KHDRBS2: variants seen among roughly 807,000 people sequenced by gnomAD.
The protein encoded by KHDRBS2 is KH RNA binding domain containing, signal transduction associated 2, also known as KH domain-containing, RNA-binding, signal transduction-associated protein 2.
KHDRBS2 carries 26 observed loss-of-function variants against 44.3 expected under a neutral mutation model. The ratio of observed to expected loss-of-function variants is 0.59; its 90% CI spans 0.43 to 0.81. KHDRBS2 has a LOEUF of 0.81. Among genes scored for constraint, KHDRBS2 ranks in the 40% least tolerant of loss-of-function variants. The pLI, the probability that KHDRBS2 is intolerant of heterozygous loss-of-function variation, is 0.00. For missense variants in KHDRBS2, 476 were observed against 433.1 expected (o/e 1.10, Z -0.88); for synonymous variants, 194 against 151.1 (o/e 1.28, Z -2.08).
At chr6:61,717,333 A>T (rs907184802) in intron 7 of KHDRBS2, among the ~76,000 whole-genome samples, 1 of 151,982 alleles carries the variant, frequency 6.6e-6, no homozygotes, top group African/African-American at 2.4e-5. Flanking sequence ...AAATACGTCA[A>T]ATAAGAACTA....
intron 6 of KHDRBS2, among the ~76,000 whole-genome samples, chr6:61,753,392 C>T (rs1415371290): frequency 6.6e-6 from 1 of 152,052 alleles, no homozygotes; most frequent in East Asian, 1.9e-4. Context: ...TGGTGGTACC[C>T]CCACCCCCCC....
chr6:61,725,421 T>C (rs1009857202), intron 7 of KHDRBS2, among the ~76,000 whole-genome samples: 1 of 151,812 alleles, frequency 6.6e-6, no homozygotes, highest in African/African-American at 2.4e-5. Context: ...CCAAAGCTAG[T>C]AGGAGACAGG....
intron 3 of KHDRBS2, among the ~76,000 whole-genome samples, chr6:61,996,709 T>C (rs1043837286): frequency 6.6e-6 from 1 of 152,136 alleles, no homozygotes; most frequent in Non-Finnish European, 1.5e-5. Context: ...TTGAGTCACA[T>C]ATAACTTTAA....
intron 8 of KHDRBS2, among the ~76,000 whole-genome samples, chr6:61,683,041 A>G (rs1766467589): frequency 1.3e-5 from 2 of 151,852 alleles, no homozygotes; most frequent in South Asian, 4.1e-4. Flanking sequence ...TTTTTGCTCC[A>G]ATTATTCCAG....
At chr6:62,139,187 G>A (rs1364315952) in intron 2 of KHDRBS2, among the ~76,000 whole-genome samples, 2 of 151,830 alleles carry the variant, frequency 1.3e-5, no homozygotes, top group Non-Finnish European at 2.9e-5. Flanking sequence ...AGATGCCAAT[G>A]GAAAGACAAG....
At chr6:61,585,076 T>G in the KHDRBS2 span, among the ~76,000 whole-genome samples, 3 of 151,962 alleles carry the variant, frequency 2.0e-5, no homozygotes, top group Admixed American at 2.0e-4. Flanking sequence ...TGTGATTTTG[T>G]GGAGCGTCGA....
chr6:61,816,781 A>C (rs1562238481), intron 6 of KHDRBS2: 6 of 371,568 alleles, frequency 1.6e-5, no homozygotes, highest in South Asian at 1.2e-4. Flanking sequence ...ATATTCATTC[A>C]AGGTGACATT....
At chr6:62,044,478 C>A (rs183583567) in intron 3 of KHDRBS2, among the ~76,000 whole-genome samples, 15 of 150,016 alleles carry the variant, frequency 1.0e-4, no homozygotes, top group Admixed American at 8.7e-4. Flanking sequence ...GCCTGGGCAA[C>A]AGAATGAGAC....
At chr6:61,952,306 G>A (rs1764923686) in intron 4 of KHDRBS2, among the ~76,000 whole-genome samples, 1 of 151,958 alleles carries the variant, frequency 6.6e-6, no homozygotes, top group South Asian at 2.1e-4. Flanking sequence ...CAATTTATCT[G>A]GGGACAATGG....
At chr6:62,152,148 C>T (rs369392924) in intron 2 of KHDRBS2, among the ~76,000 whole-genome samples, 9 of 151,768 alleles carry the variant, frequency 5.9e-5, no homozygotes, top group Non-Finnish European at 1.0e-4. Context: ...GGAGAAACAC[C>T]GACTCTACTA....
chr6:61,749,167 C>A (rs1232671439), intron 6 of KHDRBS2, among the ~76,000 whole-genome samples: 2 of 151,850 alleles, frequency 1.3e-5, no homozygotes, highest in African/African-American at 4.8e-5. Context: ...CGCCCGCCAC[C>A]ATGCCCGGCT....
rs535171790 is a variant in KHDRBS2, at chr6:62,076,670, G to A, written c.220-28676C>T. Among the ~76,000 whole-genome samples the A allele has an allele frequency of 6.3e-4, 96 of 152,140 alleles. 1 individual carries two copies. The South Asian group carries it at 0.019, about 31-fold the overall frequency. Reference sequence around the variant, plus strand: ...GACTTTAAAAGTGTTTGCCTAGGAGGCAATTCTATTAGTTCATCTTCATGT... The same window carrying A: ...GACTTTAAAAGTGTTTGCCTAGGAGACAATTCTATTAGTTCATCTTCATGT... On this transcript the variant is annotated intron_variant, in intron 2 of 8. Coordinates refer to ENST00000281156, the MANE Select transcript of KHDRBS2 (RefSeq NM_152688.4).
Position 61,978,197 on chromosome 6 carries a change from T to C in KHDRBS2, c.352A>G (p.Lys118Glu). The stretch of plus-strand genomic sequence containing the variant: ...TGGGCATATTTGGCTTCCCCACTCT[T>C]CCTTAGTTCTTCTTCCTGTGAAAAA... ...RDKAKEEELR[K>E]SGEAKYAHLS... Residue 118 changes from lysine to glutamate, a missense_variant, in exon 4 of 9, where the codon AAG becomes GAG. By Grantham distance (56) the Lys-to-Glu change is moderately conservative. Transcript: ENST00000281156. 2 of 1,604,190 alleles carry C rather than the reference T, an allele frequency of 1.2e-6. No individual in the cohort carries two copies. Among genetic ancestry groups the C allele is most frequent in the South Asian group, 2.3e-5 (2 of 88,300 alleles).
intron 6 of KHDRBS2, among the ~76,000 whole-genome samples, chr6:61,783,631 T>C (rs1469772214): frequency 6.6e-6 from 1 of 152,150 alleles, no homozygotes; most frequent in Admixed American, 6.6e-5. Flanking sequence ...ATCAAATCGA[T>C]TTTCTTGCTG....
intron 2 of KHDRBS2, among the ~76,000 whole-genome samples, chr6:62,108,424 G>A (rs575359324): frequency 2.0e-4 from 30 of 152,138 alleles, no homozygotes; most frequent in Middle Eastern, 3.4e-3. Flanking sequence ...TTAGAATGGC[G>A]ATCATTAAAA....
At chr6:61,814,972 A>C (rs1788681925) in intron 6 of KHDRBS2, among the ~76,000 whole-genome samples, 2 of 152,136 alleles carry the variant, frequency 1.3e-5, no homozygotes, top group Non-Finnish European at 2.9e-5. Flanking sequence ...AAGCTTTAAA[A>C]CATCTCTGGA....
At chr6:61,901,396 A>C in intron 4 of KHDRBS2, 25 bp from the exon 5 acceptor site, 1 of 1,590,220 alleles carries the variant, frequency 6.3e-7, no homozygotes. Context: ...TGATGTGATG[A>C]GTTAAAAATG....
At chr6:61,671,458 A>G in the KHDRBS2 span, among the ~76,000 whole-genome samples, 2 of 151,690 alleles carry the variant, frequency 1.3e-5, no homozygotes, top group Non-Finnish European at 3.0e-5. Context: ...CTGTTTTCTC[A>G]ATTCCTCTCA....
At chr6:62,070,124 A>T (rs186109114) in intron 2 of KHDRBS2, among the ~76,000 whole-genome samples, 94 of 151,892 alleles carry the variant, frequency 6.2e-4, no homozygotes, top group African/African-American at 2.2e-3. Flanking sequence ...GATCTACAGA[A>T]GTTAAACCTA....
Sources: gnomAD v4.1 joint callset for allele counts (sites outside exome capture counted in the v4.1 genomes callset) on GRCh38, gnomAD v4.1.1 for gene constraint, MANE v1.5 for transcripts, NCBI Gene and HGNC (gene_info 2026-07-23, HGNC 2026-07-21) for gene names.